CRYL1: variants seen among roughly 807,000 people sequenced by gnomAD.
CRYL1 encodes the protein crystallin lambda 1, also known as lambda-crystallin homolog.
A neutral mutation model predicts 36.6 loss-of-function variants in CRYL1; 29 were observed. The ratio of observed to expected loss-of-function variants is 0.79; its 90% CI spans 0.59 to 1.08. The LOEUF is 1.08. CRYL1 is among the 50% of genes least tolerant of loss of function. The pLI is 0.00. For missense variants in CRYL1, 411 were observed against 407.9 expected, an observed-to-expected ratio of 1.01 and a Z score of -0.06; for synonymous variants, 152 against 151.5, an observed-to-expected ratio of 1.00 and a Z score of -0.02.
Position 20,512,486 on chromosome 13 carries a change from CAT to C in CRYL1, c.104_105del (p.Tyr35Ter), listed in dbSNP as rs1381577261. The C allele has an allele frequency of 6.2e-7, 1 of 1,614,164 alleles. No individual in the cohort carries two copies. The highest frequency in any genetic ancestry group is 1.1e-5 in the South Asian group (1 of 91,068). On this transcript the variant is annotated frameshift_variant, in exon 2 of 8. Transcript: ENST00000298248. LOFTEE classifies it high-confidence loss of function. ...TTCCTTATCTGCTGTTGCTCAATGT[CAT>C]AGAGTTTCACCTGGAAGCCTCCACT... The part of the protein sequence containing the change: ...FASGGFQVKL[Y>X]DIEQQQIRNA...
At chr13:20,418,305 G>A (rs2031720999) in intron 5 of CRYL1, 1 of 147,406 alleles carries the variant, frequency 6.8e-6, no homozygotes, top group Non-Finnish European at 1.5e-5. Context: ...AAGCACTTCT[G>A]TTTGTTTGTG....
chr13:20,505,259 AAGG>A (rs559895732), intron 2 of CRYL1, among the ~76,000 whole-genome samples: 185 of 151,640 alleles, frequency 1.2e-3, no homozygotes, highest in African/African-American at 4.2e-3. Context: ...CGGGAGGCTG[AAGG>A]AGGAGAATTG....
At chr13:20,504,089 A>C (rs535701968) in intron 2 of CRYL1, among the ~76,000 whole-genome samples, 2 of 152,300 alleles carry the variant, frequency 1.3e-5, no homozygotes, top group African/African-American at 2.4e-5. Context: ...CAGACAAGGC[A>C]GTGTGTTTGG....
intron 3 of CRYL1, among the ~76,000 whole-genome samples, chr13:20,470,461 G>A (rs1224468066): frequency 1.3e-5 from 2 of 152,220 alleles, no homozygotes; most frequent in African/African-American, 4.8e-5. Context: ...ATCTTCTGAG[G>A]ACTTTCTATT....
At chr13:20,512,765 G>A (rs2033937699) in intron 1 of CRYL1, among the ~76,000 whole-genome samples, 1 of 152,150 alleles carries the variant, frequency 6.6e-6, no homozygotes, top group Non-Finnish European at 1.5e-5. Context: ...GATGAAGGTG[G>A]AGAATAAAAT....
chr13:20,494,278 T>C (rs2033566289), intron 2 of CRYL1, among the ~76,000 whole-genome samples: 1 of 152,238 alleles, frequency 6.6e-6, no homozygotes, highest in Non-Finnish European at 1.5e-5. Flanking sequence ...AAGTGAGATG[T>C]TTAATACTGC....
intron 4 of CRYL1, among the ~76,000 whole-genome samples, chr13:20,432,854 C>CA (rs1304657137): frequency 6.6e-6 from 1 of 151,912 alleles, no homozygotes; most frequent in Non-Finnish European, 1.5e-5. Context: ...CCTGTTTCTA[C>CA]AAAAAATAAA....
intron 2 of CRYL1, among the ~76,000 whole-genome samples, chr13:20,497,994 T>G (rs1298502658): frequency 6.6e-6 from 1 of 151,572 alleles, no homozygotes; most frequent in African/African-American, 2.4e-5. Context: ...ATTGAACTTA[T>G]CACATTTTTG....
At chr13:20,476,240 C>T (rs953471955) in intron 3 of CRYL1, among the ~76,000 whole-genome samples, 8 of 151,766 alleles carry the variant, frequency 5.3e-5, no homozygotes, top group African/African-American at 1.7e-4. Flanking sequence ...CCTATAATCC[C>T]AGCTACCAGG....
chr13:20,514,880 G>A (rs1565990719), intron 1 of CRYL1, among the ~76,000 whole-genome samples: 1 of 151,580 alleles, frequency 6.6e-6, no homozygotes, highest in East Asian at 2.0e-4. Flanking sequence ...CCATTCCTAG[G>A]TATCTACCCA....
intron 5 of CRYL1, among the ~76,000 whole-genome samples, chr13:20,420,428 GA>G (rs1353195730): frequency 2.7e-5 from 4 of 150,458 alleles, no homozygotes; most frequent in African/African-American, 9.8e-5. Flanking sequence ...AATTATTCCA[GA>G]AAAGACTCCA....
intron 3 of CRYL1, among the ~76,000 whole-genome samples, chr13:20,460,821 C>G (rs9579864): frequency 0.057 from 8,719 of 152,024 alleles, 822 homozygotes; most frequent in African/African-American, 0.2. Context: ...CACTGCGCCC[C>G]GCCGGCAGCT....
At chr13:20,457,547 T>C (rs1426029951) in intron 3 of CRYL1, among the ~76,000 whole-genome samples, 1 of 152,194 alleles carries the variant, frequency 6.6e-6, no homozygotes, top group Admixed American at 6.5e-5. Context: ...CAGAAAAAAT[T>C]ACGTAAAACA....
Position 20,404,254 on chromosome 13 carries a change from AG to A in CRYL1, c.847-13del. The A allele has an allele frequency of 6.5e-7, 1 of 1,546,508 alleles. No individual in the cohort carries two copies. Among genetic ancestry groups the A allele is most frequent in the Non-Finnish European group, 8.9e-7 (1 of 1,119,842 alleles). On this transcript the variant is annotated splice_polypyrimidine_tract_variant and intron_variant, in intron 7 of 7. Transcript: ENST00000298248. ...TTCATGCACATGTCCTGCAAGAAGGAGAAGGAAAAAAAAGGACAATAAAGAG... is the reference window on the plus strand; with the variant it reads ...TTCATGCACATGTCCTGCAAGAAGGAAAGGAAAAAAAAGGACAATAAAGAG...
At chr13:20,410,793 C>A (rs2031499212) in intron 6 of CRYL1, among the ~76,000 whole-genome samples, 2 of 152,182 alleles carry the variant, frequency 1.3e-5, no homozygotes, top group Non-Finnish European at 2.9e-5. Flanking sequence ...TTACTGTTGT[C>A]CCCATTTCAC....
chr13:20,507,894 G>C (rs2033831183), intron 2 of CRYL1, among the ~76,000 whole-genome samples: 1 of 150,836 alleles, frequency 6.6e-6, no homozygotes, highest in African/African-American at 2.4e-5. Context: ...CTCCAGCCTG[G>C]GCAACAGAGC....
intron 3 of CRYL1, among the ~76,000 whole-genome samples, chr13:20,484,817 C>T (rs1020455243): frequency 2.0e-5 from 3 of 152,070 alleles, no homozygotes; most frequent in Non-Finnish European, 1.5e-5. Context: ...AATAATGAAC[C>T]TAAACAGGAT....
chr13:20,416,829 G>A (rs936087671), intron 5 of CRYL1, among the ~76,000 whole-genome samples: 6 of 152,148 alleles, frequency 3.9e-5, no homozygotes, highest in Non-Finnish European at 5.9e-5. Flanking sequence ...CCTGAGAAGG[G>A]TTCTCCATGC....
At chr13:20,466,682 C>CTGTGTGTGTGTG (rs57209647) in intron 3 of CRYL1, among the ~76,000 whole-genome samples, 3,673 of 129,546 alleles carry the variant, frequency 0.028, 63 homozygotes, top group African/African-American at 0.039. Context: ...TTGGAAAACT[C>CTGTGTGTGTGTG]TGTGTGTGTG....
Sources: allele counts gnomAD v4.1 joint callset (sites outside exome capture counted in the v4.1 genomes callset), GRCh38; gene constraint gnomAD v4.1.1; transcripts MANE v1.5; gene names NCBI Gene and HGNC (gene_info 2026-07-23, HGNC 2026-07-21).